The following PELI2 variants were observed in gnomAD, a reference collection of about 807,000 sequenced individuals.
PELI2 encodes pellino E3 ubiquitin protein ligase family member 2.
PELI2 carries 23 observed loss-of-function variants against 42.3 expected under a neutral mutation model. That is an observed-to-expected ratio of 0.54 (90% confidence interval 0.39 to 0.77). The LOEUF is 0.77. PELI2 is among the 30% of genes least tolerant of loss of function. The pLI is 0.00. For synonymous variants in PELI2, 245 were observed against 212.2 expected (o/e 1.15, Z -1.34); for missense variants, 463 against 553.2 (o/e 0.84, Z 1.64).
At chr14:56,151,549 T>A (rs1025528603) in intron 1 of PELI2, among the ~76,000 whole-genome samples, 1 of 152,228 alleles carries the variant, frequency 6.6e-6, no homozygotes, top group African/African-American at 2.4e-5. Flanking sequence ...GGACCTGATG[T>A]CACAGTGTTT....
rs1890119144 is a variant in PELI2, at chr14:56,299,833, TC to T, written c.*2669del. ...CTCTAATGCCTTTTGCAAGTAGCTT[TC>T]CAGAAGTAAAAGTCCCAGTGATGTA... is the stretch of plus-strand genomic sequence containing the variant. On this transcript the variant is annotated 3_prime_UTR_variant, in exon 6 of 6. Transcript: ENST00000267460. 6.6e-6 allele frequency: 1 copy of T among 152,274 alleles called. No homozygotes were observed. The highest frequency in any genetic ancestry group is 1.5e-5 in the Non-Finnish European group (1 of 68,038). The allele number at this position is 152,274 out of a possible 1,614,324, so 9.4% of individuals were successfully genotyped here. A position where few individuals can be genotyped will look rare whatever the true frequency, so the allele number is the denominator to read the frequency against.
chr14:56,286,422 C>G (rs1889646873), intron 3 of PELI2, among the ~76,000 whole-genome samples: 1 of 152,166 alleles, frequency 6.6e-6, no homozygotes, highest in African/African-American at 2.4e-5. Context: ...CTTACCTGTC[C>G]TGGCTTCAGC....
At chr14:56,282,084 A>G (rs1221942688) in intron 3 of PELI2, among the ~76,000 whole-genome samples, 2 of 152,280 alleles carry the variant, frequency 1.3e-5, no homozygotes, top group South Asian at 2.1e-4. Context: ...CCTTACCTAC[A>G]TGCGCAACGC....
At chr14:56,251,739 A>G (rs1236831150) in intron 2 of PELI2, among the ~76,000 whole-genome samples, 1 of 152,240 alleles carries the variant, frequency 6.6e-6, no homozygotes, top group Non-Finnish European at 1.5e-5. Context: ...GCTGCTAAGC[A>G]TAAATGTTGG....
intron 1 of PELI2, among the ~76,000 whole-genome samples, chr14:56,124,917 G>A (rs1424245289): frequency 6.6e-6 from 1 of 152,200 alleles, no homozygotes; most frequent in African/African-American, 2.4e-5. Flanking sequence ...ATGATGATGG[G>A]GGGATATCAT....
intron 4 of PELI2, 78 bp from the exon 5 acceptor site, chr14:56,290,190 T>C: frequency 1.7e-6 from 2 of 1,147,540 alleles, no homozygotes; most frequent in South Asian, 1.7e-5. Context: ...CTATGCAATG[T>C]ATTAAAGAAA....
intron 2 of PELI2, among the ~76,000 whole-genome samples, chr14:56,259,702 A>C (rs893970439): frequency 6.6e-6 from 1 of 152,158 alleles, no homozygotes; most frequent in Non-Finnish European, 1.5e-5. Context: ...TTTGTTTCAC[A>C]ACAGTATGAT....
intron 1 of PELI2, among the ~76,000 whole-genome samples, chr14:56,144,156 C>T (rs185774113): frequency 4.8e-4 from 73 of 152,272 alleles, no homozygotes; most frequent in African/African-American, 1.4e-3. Flanking sequence ...TAACTTCTTT[C>T]GTAGACAGTG....
chr14:56,294,199 G>T (rs1334671083), intron 5 of PELI2, among the ~76,000 whole-genome samples: 2 of 152,202 alleles, frequency 1.3e-5, no homozygotes, highest in Non-Finnish European at 1.5e-5. Context: ...TCATGACAAG[G>T]AAAATGTCCA....
intron 1 of PELI2, among the ~76,000 whole-genome samples, chr14:56,175,161 A>G (rs1334009074): frequency 6.6e-6 from 1 of 151,908 alleles, no homozygotes; most frequent in Non-Finnish European, 1.5e-5. Flanking sequence ...ACACCAGGCT[A>G]ATTTTCGTAT....
intron 1 of PELI2, among the ~76,000 whole-genome samples, chr14:56,148,865 A>G (rs1884232891): frequency 6.6e-6 from 1 of 152,168 alleles, no homozygotes. Flanking sequence ...GGATTTTCAG[A>G]TGAAGAGGGA....
intron 1 of PELI2, among the ~76,000 whole-genome samples, chr14:56,122,196 G>A (rs891909975): frequency 1.3e-5 from 2 of 152,120 alleles, no homozygotes; most frequent in African/African-American, 4.8e-5. Flanking sequence ...AACCACTATG[G>A]CACGTATGTA....
At chr14:56,274,412 A>G (rs1889217771) in intron 2 of PELI2, among the ~76,000 whole-genome samples, 1 of 152,248 alleles carries the variant, frequency 6.6e-6, no homozygotes, top group South Asian at 2.1e-4. Flanking sequence ...GCTTCTTAAC[A>G]AATAAAAGAT....
chr14:56,264,725 A>T (rs1258528367), intron 2 of PELI2, among the ~76,000 whole-genome samples: 2 of 152,178 alleles, frequency 1.3e-5, no homozygotes, highest in African/African-American at 4.8e-5. Context: ...ATTTGTAAGA[A>T]ATATATATTA....
intron 2 of PELI2, among the ~76,000 whole-genome samples, chr14:56,188,974 A>G (rs1288977804): frequency 6.6e-6 from 1 of 152,124 alleles, no homozygotes; most frequent in Non-Finnish European, 1.5e-5. Context: ...AGCCTGACCA[A>G]TATGGTGAAA....
At chr14:56,157,354 A>C (rs1004644650) in intron 1 of PELI2, among the ~76,000 whole-genome samples, 1 of 152,200 alleles carries the variant, frequency 6.6e-6, no homozygotes, top group Non-Finnish European at 1.5e-5. Flanking sequence ...AATATTTTCT[A>C]ATCTCATGGT....
At chr14:56,294,732 A>G (rs974138523) in intron 5 of PELI2, among the ~76,000 whole-genome samples, 6 of 152,164 alleles carry the variant, frequency 3.9e-5, no homozygotes, top group Admixed American at 1.3e-4. Context: ...TCTGTCTCCA[A>G]CGCTGCATCA....
At chr14:56,278,663 T>C (rs1889376783) in intron 2 of PELI2, among the ~76,000 whole-genome samples, 1 of 152,188 alleles carries the variant, frequency 6.6e-6, no homozygotes, top group African/African-American at 2.4e-5. Flanking sequence ...AATGTTTTAC[T>C]GTTTATTGCT....
At chr14:56,120,204 A>G (rs1037612583) in intron 1 of PELI2, among the ~76,000 whole-genome samples, 1 of 152,226 alleles carries the variant, frequency 6.6e-6, no homozygotes, top group African/African-American at 2.4e-5. Context: ...GAAAAGCCGC[A>G]GTTTAGTCTG....
Sources: allele counts gnomAD v4.1 joint callset (sites outside exome capture counted in the v4.1 genomes callset), GRCh38; gene constraint gnomAD v4.1.1; transcripts MANE v1.5; gene names NCBI Gene and HGNC (gene_info 2026-07-23, HGNC 2026-07-21).